The following CHD9 variants were observed in gnomAD, a reference collection of about 807,000 sequenced individuals.
The protein encoded by CHD9 is chromodomain helicase DNA binding protein 9.
CHD9 carries 77 observed loss-of-function variants against 316.1 expected under a neutral mutation model. The ratio of observed to expected loss-of-function variants is 0.24; its 90% CI spans 0.20 to 0.29. CHD9 has a LOEUF of 0.29. Ranked by LOEUF, CHD9 falls within the 10% of genes least tolerant of loss-of-function variation. The pLI, the probability that CHD9 is intolerant of heterozygous loss-of-function variation, is 1.00. For missense variants in CHD9, 2,763 were observed against 3,438.1 expected, an observed-to-expected ratio of 0.80 and a Z score of 4.91; for synonymous variants, 1,129 against 1,158.3, an observed-to-expected ratio of 0.97 and a Z score of 0.51.
intron 1 of CHD9, among the ~76,000 whole-genome samples, chr16:53,130,467 T>TGGC (rs1411855267): frequency 1.3e-5 from 2 of 150,406 alleles, no homozygotes; most frequent in African/African-American, 2.4e-5. Context: ...GGGCCTGACG[T>TGGC]GGCGGCGGGG....
At chr16:53,182,766 T>A (rs1387818857) in intron 2 of CHD9, among the ~76,000 whole-genome samples, 1 of 152,126 alleles carries the variant, frequency 6.6e-6, no homozygotes, top group Non-Finnish European at 1.5e-5. Flanking sequence ...ACATTTAATT[T>A]TTATAATTAT....
At chr16:53,218,190 C>T (rs999296073) in intron 3 of CHD9, among the ~76,000 whole-genome samples, 5 of 151,912 alleles carry the variant, frequency 3.3e-5, no homozygotes, top group African/African-American at 1.2e-4. Flanking sequence ...AATCTGAAAA[C>T]GATTTTTGCA....
intron 34 of CHD9, among the ~76,000 whole-genome samples, chr16:53,313,704 G>GGAGGCC (rs377483051): frequency 6.6e-6 from 1 of 151,226 alleles, no homozygotes; most frequent in Non-Finnish European, 1.5e-5. Flanking sequence ...TAGCACTTTG[G>GGAGGCC]GAGGCCGAGG....
chr16:53,146,419 G>GTGTGTGTATATATATATA (rs1555492145), intron 1 of CHD9, among the ~76,000 whole-genome samples: 2 of 76,714 alleles, frequency 2.6e-5, no homozygotes, highest in African/African-American at 1.2e-4. Context: ...GTGTGTGTAT[G>GTGTGTGTATATATATATA]TATATATATA....
At chr16:53,190,649 C>A (rs1227348396) in intron 2 of CHD9, among the ~76,000 whole-genome samples, 1 of 152,040 alleles carries the variant, frequency 6.6e-6, no homozygotes, top group African/African-American at 2.4e-5. Context: ...GTCTTCCTTG[C>A]CCCTCTAGTT....
intron 24 of CHD9, among the ~76,000 whole-genome samples, chr16:53,277,998 CCTT>C (rs796501712): frequency 2.6e-5 from 4 of 151,830 alleles, no homozygotes; most frequent in African/African-American, 9.7e-5. Context: ...GAACTCAACT[CCTT>C]CTACAATAGC....
rs1235174940 is a variant in CHD9, at chr16:53,321,436, G to A, written c.7714-90G>A. On this transcript the variant is annotated intron_variant, in intron 37 of 38. Transcript: ENST00000447540. ...GTGGTTCAAAAAATATGTATTTTAA[G>A]GAAATAAACTCTGTAGAGCATACAA... The A allele has an allele frequency of 5.0e-6, 7 of 1,401,200 alleles. No individual in the cohort carries two copies. The East Asian group carries it at 1.5e-4, about 30-fold the overall frequency. 86.8% of individuals were successfully genotyped at this position (1,401,200 alleles called of 1,614,324 possible).
At position 53,314,833 on chromosome 16, in the gene CHD9, G is replaced by A; in HGVS notation, c.7373G>A (p.Gly2458Asp). 3 of 1,610,728 alleles carry A rather than the reference G, an allele frequency of 1.9e-6. No individual in the cohort carries two copies. Among genetic ancestry groups the A allele is most frequent in the Non-Finnish European group, 2.5e-6 (3 of 1,178,140 alleles). The change falls in exon 36 of 39, where the codon GGC becomes GAC. Residue 2458 changes from glycine (G) to aspartate (D), a missense_variant. Physicochemically the swap from Gly to Asp is moderately conservative, Grantham distance 94. Around this residue, in one of 15 missense-constraint regions of CHD9, gnomAD observed 663 missense variants for 751.2 expected, o/e 0.88. Transcript: ENST00000447540. ...GGTGTTTTTTTACAGGTTTCTTTAG[G>A]CTTAACCTCCTCACAGATTTCCACA... ...RNKPPNHVSL[G>D]LTSSQISTGI...
At chr16:53,071,730 C>T (rs1438912341) in intron 1 of CHD9, among the ~76,000 whole-genome samples, 1 of 152,202 alleles carries the variant, frequency 6.6e-6, no homozygotes, top group Non-Finnish European at 1.5e-5. Flanking sequence ...CCCCTCGGTC[C>T]TGCTCACCCT....
chr16:53,311,712 A>G (rs2056491411), intron 34 of CHD9: 1 of 152,200 alleles, frequency 6.6e-6, no homozygotes, highest in South Asian at 2.1e-4. Flanking sequence ...TCCAGAAACT[A>G]CCTGGAATAG....
intron 2 of CHD9, among the ~76,000 whole-genome samples, chr16:53,178,374 C>G (rs995965026): frequency 2.7e-5 from 4 of 149,348 alleles, no homozygotes; most frequent in African/African-American, 7.4e-5. Flanking sequence ...TCCATATCTT[C>G]TGTCAATTCA....
chr16:53,257,879 T>C (rs1036322506), intron 19 of CHD9, among the ~76,000 whole-genome samples: 5 of 152,162 alleles, frequency 3.3e-5, no homozygotes, highest in Non-Finnish European at 7.4e-5. Context: ...CTGGGAAATC[T>C]TACTTAGTTT....
chr16:53,265,646 T>C (rs922302997), intron 20 of CHD9, among the ~76,000 whole-genome samples: 1 of 152,130 alleles, frequency 6.6e-6, no homozygotes, highest in Non-Finnish European at 1.5e-5. Flanking sequence ...TAAACTCTAA[T>C]TTGTGATAAA....
At chr16:53,120,403 C>A (rs570534789) in intron 1 of CHD9, among the ~76,000 whole-genome samples, 1 of 151,564 alleles carries the variant, frequency 6.6e-6, no homozygotes, top group East Asian at 2.0e-4. Context: ...CACCTGAGGT[C>A]GGGAGTTTGA....
At chr16:53,076,748 G>A (rs2152525870) in intron 1 of CHD9, among the ~76,000 whole-genome samples, 1 of 151,720 alleles carries the variant, frequency 6.6e-6, no homozygotes, top group Non-Finnish European at 1.5e-5. Flanking sequence ...ACTCCAGCCT[G>A]GGCAACAGAG....
chr16:53,109,291 A>G (rs1283929701), intron 1 of CHD9, among the ~76,000 whole-genome samples: 1 of 152,202 alleles, frequency 6.6e-6, no homozygotes, highest in African/African-American at 2.4e-5. Flanking sequence ...TACAGATAGT[A>G]GTATAAACAG....
chr16:53,141,890 G>C (rs1183050252), intron 1 of CHD9, among the ~76,000 whole-genome samples: 1 of 152,146 alleles, frequency 6.6e-6, no homozygotes, highest in Non-Finnish European at 1.5e-5. Context: ...TGATGTTGTA[G>C]GCATAGAGAA....
intron 1 of CHD9, among the ~76,000 whole-genome samples, chr16:53,099,479 G>C (rs982698697): frequency 6.6e-6 from 1 of 152,028 alleles, no homozygotes; most frequent in African/African-American, 2.4e-5. Context: ...TCTGAGCTGG[G>C]AGTGGTTTCA....
chr16:53,309,376 C>T (rs1352334152), intron 34 of CHD9, among the ~76,000 whole-genome samples: 2 of 152,096 alleles, frequency 1.3e-5, no homozygotes, highest in Non-Finnish European at 2.9e-5. Flanking sequence ...TAAATTTTGC[C>T]TCCTATAGGT....
Sources: gnomAD v4.1 joint callset for allele counts (sites outside exome capture counted in the v4.1 genomes callset) on GRCh38, gnomAD v4.1.1 for gene constraint, gnomAD v4.1.1 regional missense constraint, MANE v1.5 for transcripts, NCBI Gene and HGNC (gene_info 2026-07-23, HGNC 2026-07-21) for gene names.